Variants in DDX11 observed in about 807,000 individuals in gnomAD.
DDX11 encodes the protein ATP-dependent DNA helicase DDX11.
DDX11 carries 72 observed loss-of-function variants against 125.2 expected under a neutral mutation model. The ratio of observed to expected loss-of-function variants is 0.58; its 90% CI spans 0.48 to 0.70. DDX11 has a LOEUF of 0.70. DDX11 is among the 30% of genes least tolerant of loss of function. The pLI, the probability that DDX11 is intolerant of heterozygous loss-of-function variation, is 0.00. For missense variants in DDX11, 883 were observed against 1,165.0 expected (o/e 0.76, Z 3.52); for synonymous variants, 347 against 452.6 (o/e 0.77, Z 2.96).
intron 9 of DDX11, 118 bp from the exon 10 acceptor site, chr12:31,091,601 G>C: frequency 8.6e-7 from 1 of 1,160,940 alleles, no homozygotes; most frequent in South Asian, 1.4e-5. Flanking sequence ...TTTTTCGAAT[G>C]TCTCTACACA....
At chr12:31,088,742 G>T (rs1457811008) in intron 6 of DDX11, among the ~76,000 whole-genome samples, 2 of 152,136 alleles carry the variant, frequency 1.3e-5, no homozygotes, top group Non-Finnish European at 2.9e-5. Flanking sequence ...CACGGGAGAT[G>T]GTCACCCATG....
intron 16 of DDX11, 31 bp from the exon 17 acceptor site, chr12:31,096,828 G>C: frequency 1.2e-6 from 2 of 1,614,142 alleles, no homozygotes; most frequent in East Asian, 4.5e-5. Context: ...CTGACCAGAG[G>C]GAGGCCTCCT....
At chr12:31,075,913 G>A in intron 1 of DDX11, among the ~76,000 whole-genome samples, 1 of 152,120 alleles carries the variant, frequency 6.6e-6, no homozygotes, top group East Asian at 1.9e-4. Flanking sequence ...CAAGCTAGGG[G>A]GTGAGGAGTG....
At chr12:31,077,469 G>A (rs896535793) in intron 1 of DDX11, among the ~76,000 whole-genome samples, 6 of 152,084 alleles carry the variant, frequency 3.9e-5, no homozygotes, top group African/African-American at 1.4e-4. Flanking sequence ...CTAGAGGCCA[G>A]AAAAGTTAGT....
At chr12:31,078,780 C>T (rs1442986083) in intron 2 of DDX11, among the ~76,000 whole-genome samples, 2 of 151,912 alleles carry the variant, frequency 1.3e-5, no homozygotes, top group African/African-American at 2.4e-5. Flanking sequence ...CTCCGCCTCC[C>T]GGGTTCACGC....
At position 31,102,306 on chromosome 12, in the gene DDX11, A is replaced by C. The variant is rs1199286816; in HGVS notation, c.2266A>C (p.Ile756Leu). Residue 756 changes from isoleucine to leucine, a missense_variant, in exon 22 of 27, where the codon ATC becomes CTC. This residue lies in a region of DDX11 where 285 missense variants were observed against 346.0 expected (regional missense o/e 0.82). Transcript: ENST00000542838. The stretch of plus-strand genomic sequence containing the variant: ...GGTGCTGCTGGCATATTCCAGGTGC[A>C]TCCAGGTGCGGGCGTCATGCTGGGC... ...EQVLLAYSRCIQACGQERGQV... is the reference protein window; with the variant it reads ...EQVLLAYSRCLQACGQERGQV... 5 of 1,614,148 alleles carry C rather than the reference A, an allele frequency of 3.1e-6. No homozygotes were observed. The highest frequency in any genetic ancestry group is 4.2e-6 in the Non-Finnish European group (5 of 1,179,958).
At chr12:31,103,279 A>G (rs1946715944) in intron 24 of DDX11, 38 bp from the exon 25 acceptor site, 1 of 1,602,964 alleles carries the variant, frequency 6.2e-7, no homozygotes, top group Non-Finnish European at 8.5e-7. Context: ...AGCTGCAGGC[A>G]GGGAACAGTC....
intron 1 of DDX11, among the ~76,000 whole-genome samples, chr12:31,074,757 TG>T (rs1940461330): frequency 6.6e-6 from 1 of 152,226 alleles, no homozygotes; most frequent in Non-Finnish European, 1.5e-5. Flanking sequence ...GCTTTTTTCT[TG>T]GGGCTGTGGT....
At chr12:31,097,477 G>A (rs1197735853) in intron 17 of DDX11, among the ~76,000 whole-genome samples, 1 of 149,820 alleles carries the variant, frequency 6.7e-6, no homozygotes, top group Non-Finnish European at 1.5e-5. Context: ...TCAGGAGATC[G>A]AGACCATCCT....
intron 2 of DDX11, among the ~76,000 whole-genome samples, chr12:31,080,859 G>T (rs974594217): frequency 6.6e-6 from 1 of 152,104 alleles, no homozygotes; most frequent in Admixed American, 6.5e-5. Flanking sequence ...ATCTTCCCAC[G>T]TCAGCCTCCT....
chr12:31,102,134 C>T, intron 21 of DDX11, 109 bp from the exon 22 acceptor site: 2 of 1,292,736 alleles, frequency 1.5e-6, no homozygotes, highest in South Asian at 1.3e-5. Context: ...CCCAAAGTCC[C>T]TGGCTGTGAG....
chr12:31,089,237 C>G, intron 7 of DDX11, 86 bp downstream of exon 7: 1 of 1,413,198 alleles, frequency 7.1e-7, no homozygotes, highest in Non-Finnish European at 1.0e-6. Flanking sequence ...TTGGGAGACG[C>G]TGGGTCTGTG....
chr12:31,097,612 G>A (rs1454349979), intron 17 of DDX11, among the ~76,000 whole-genome samples: 3 of 147,992 alleles, frequency 2.0e-5, no homozygotes, highest in Non-Finnish European at 4.4e-5. Context: ...CCCAGGAGGC[G>A]GAGGTTGCAG....
chr12:31,102,345 C>G, intron 22 of DDX11, 34 bp downstream of exon 22: 1 of 1,611,462 alleles, frequency 6.2e-7, no homozygotes. Flanking sequence ...GGTCTGAGAT[C>G]GTGTGGGGGT....
chr12:31,099,084 CTTTTTT>C (rs763612105), intron 18 of DDX11, among the ~76,000 whole-genome samples: 2 of 63,720 alleles, frequency 3.1e-5, no homozygotes, highest in Admixed American at 2.3e-4. Context: ...TTCTTTCTTT[CTTTTTT>C]TTTTTTTTTT....
chr12:31,094,322 C>G (rs1300706338), intron 12 of DDX11: 2 of 455,294 alleles, frequency 4.4e-6, no homozygotes, highest in South Asian at 4.1e-5. Context: ...GCTGCTGTGT[C>G]CCGGCCTCCT....
At chr12:31,096,248 C>T (rs1285667502) in intron 14 of DDX11, 93 bp from the exon 15 acceptor site, 1 of 1,447,132 alleles carries the variant, frequency 6.9e-7, no homozygotes, top group African/African-American at 1.5e-5. Context: ...GTTGTGCTGC[C>T]TGGGTGGTAG....
chr12:31,095,496 C>T (rs10771802), intron 14 of DDX11, among the ~76,000 whole-genome samples: 79,038 of 149,574 alleles, frequency 0.53, 21,684 homozygotes, highest in East Asian at 0.81. Context: ...GCTGCACTGA[C>T]TTGGGGCCCC....
chr12:31,084,044 C>T lies in DDX11; in HGVS notation c.376C>T (p.Leu126=). The T allele has an allele frequency of 6.2e-7, 1 of 1,613,932 alleles. No individual in the cohort carries two copies. The highest frequency in any genetic ancestry group is 2.2e-5 in the East Asian group (1 of 44,868). The change falls in exon 3 of 27, where the codon CTG becomes TTG. Residue 126 remains leucine, a synonymous_variant. Transcript: ENST00000542838. The part of the protein sequence containing the change: ...QFVQKKEERD[L]VDRLKAEQAR... ...TGTGCAGAAGAAAGAAGAGAGGGAC[C>T]TGGTGGACCGACTAAAGGTGAGACC... is the stretch of plus-strand genomic sequence containing the variant.
Sources: gnomAD v4.1 joint callset for allele counts (sites outside exome capture counted in the v4.1 genomes callset) on GRCh38, gnomAD v4.1.1 for gene constraint, gnomAD v4.1.1 regional missense constraint, MANE v1.5 for transcripts, NCBI Gene and HGNC (gene_info 2026-07-23, HGNC 2026-07-21) for gene names.